Variants in NRCAM observed in about 807,000 individuals in gnomAD.
NRCAM encodes neuronal cell adhesion molecule.
In NRCAM, 83 loss-of-function variants were observed where a neutral mutation model predicts 156.5. The observed-to-expected ratio is 0.53, with a 90% CI of 0.44 to 0.64. NRCAM has a LOEUF of 0.64. Among genes scored for constraint, NRCAM ranks in the 30% least tolerant of loss-of-function variants. The probability of loss-of-function intolerance (pLI) is 0.00; values close to 1 mark genes in which losing one functional copy is unlikely to be tolerated. For missense variants in NRCAM, 1,417 were observed against 1,597.3 expected (o/e 0.89, Z 1.92); for synonymous variants, 538 against 563.9 (o/e 0.95, Z 0.65).
chr7:108,392,855 G>T (rs1408878319), intron 2 of NRCAM, among the ~76,000 whole-genome samples: 1 of 152,156 alleles, frequency 6.6e-6, no homozygotes, highest in Non-Finnish European at 1.5e-5. Flanking sequence ...GTTTGCCTGG[G>T]TATCAGCAGA....
At chr7:108,202,913 C>T (rs77775392) in intron 13 of NRCAM, among the ~76,000 whole-genome samples, 2,244 of 152,216 alleles carry the variant, frequency 0.015, 48 homozygotes, top group African/African-American at 0.046. Context: ...AGACCTAATA[C>T]AACGCACGCT....
chr7:108,388,779 G>A (rs1451801272), intron 2 of NRCAM, among the ~76,000 whole-genome samples: 1 of 152,128 alleles, frequency 6.6e-6, no homozygotes, highest in Non-Finnish European at 1.5e-5. Context: ...TCCACATACG[G>A]CTAGCCAGTT....
chr7:108,279,800 T>C (rs2097784018), intron 3 of NRCAM, among the ~76,000 whole-genome samples: 1 of 151,944 alleles, frequency 6.6e-6, no homozygotes, highest in Non-Finnish European at 1.5e-5. Context: ...GAGCAAGTGA[T>C]CCTCCCATCT....
intron 3 of NRCAM, among the ~76,000 whole-genome samples, chr7:108,287,929 A>C (rs2098156863): frequency 6.6e-6 from 1 of 152,156 alleles, no homozygotes; most frequent in African/African-American, 2.4e-5. Flanking sequence ...TATATTTATC[A>C]CAGCACTATT....
chr7:108,232,705 G>T (rs1035460146), intron 6 of NRCAM, among the ~76,000 whole-genome samples, 183 bp from the exon 7 acceptor site: 1 of 152,090 alleles, frequency 6.6e-6, no homozygotes, highest in African/African-American at 2.4e-5. Context: ...AAAAGGGCAG[G>T]CTATACATTT....
chr7:108,387,438 T>C (rs1180745046), intron 2 of NRCAM, among the ~76,000 whole-genome samples: 1 of 152,142 alleles, frequency 6.6e-6, no homozygotes, highest in Non-Finnish European at 1.5e-5. Context: ...CTGGTAATTA[T>C]AATAATAGCT....
chr7:108,247,147 C>G (rs2095995020), intron 3 of NRCAM, among the ~76,000 whole-genome samples: 1 of 152,156 alleles, frequency 6.6e-6, no homozygotes, highest in South Asian at 2.1e-4. Context: ...CTACATGCAA[C>G]AGAAGAACCA....
chr7:108,211,699 A>C (rs2084542703), intron 11 of NRCAM, among the ~76,000 whole-genome samples: 1 of 152,040 alleles, frequency 6.6e-6, no homozygotes, highest in East Asian at 1.9e-4. Flanking sequence ...TCCTAGGTAC[A>C]CAACTCCATT....
chr7:108,413,402 A>G (rs1198310102), intron 1 of NRCAM, among the ~76,000 whole-genome samples: 1 of 151,950 alleles, frequency 6.6e-6, no homozygotes, highest in East Asian at 1.9e-4. Flanking sequence ...GAGTTGTTTC[A>G]GTTCCTTATA....
At chr7:108,263,090 G>T (rs1414843177) in intron 3 of NRCAM, among the ~76,000 whole-genome samples, 1 of 152,150 alleles carries the variant, frequency 6.6e-6, no homozygotes, top group Non-Finnish European at 1.5e-5. Context: ...ATCTTCCAAG[G>T]TGCTTGGTTA....
At chr7:108,237,129 A>G (rs932558542) in intron 5 of NRCAM, among the ~76,000 whole-genome samples, 1 of 152,208 alleles carries the variant, frequency 6.6e-6, no homozygotes, top group African/African-American at 2.4e-5. Context: ...CTGAAAACTG[A>G]CTATTTTTAA....
chr7:108,258,813 G>A (rs1311287068), intron 3 of NRCAM, among the ~76,000 whole-genome samples: 1 of 152,158 alleles, frequency 6.6e-6, no homozygotes, highest in African/African-American at 2.4e-5. Flanking sequence ...GTTCACTGTT[G>A]TTCTCTCGAC....
intron 1 of NRCAM, among the ~76,000 whole-genome samples, chr7:108,414,743 GGCAGACT>G: frequency 6.6e-6 from 1 of 152,094 alleles, no homozygotes. Flanking sequence ...TCTCACCCAC[GGCAGACT>G]GCTAGGAAGA....
intron 2 of NRCAM, among the ~76,000 whole-genome samples, chr7:108,318,794 C>T (rs2098964317): frequency 6.6e-6 from 1 of 152,178 alleles, no homozygotes; most frequent in Non-Finnish European, 1.5e-5. Flanking sequence ...CCCTAGCCAT[C>T]CTAGCCCTGG....
At chr7:108,324,476 C>A (rs2099041707) in intron 2 of NRCAM, among the ~76,000 whole-genome samples, 3 of 152,112 alleles carry the variant, frequency 2.0e-5, no homozygotes, top group South Asian at 4.1e-4. Context: ...TTCAAACAGG[C>A]CAAATTTGGG....
chr7:108,415,654 G>A (rs1190321372), intron 1 of NRCAM, among the ~76,000 whole-genome samples: 1 of 152,236 alleles, frequency 6.6e-6, no homozygotes, highest in Non-Finnish European at 1.5e-5. Flanking sequence ...GCCAAGGTGG[G>A]TGGATCATCT....
intron 14 of NRCAM, among the ~76,000 whole-genome samples, chr7:108,197,318 G>A (rs1008275310): frequency 1.3e-4 from 20 of 152,254 alleles, no homozygotes; most frequent in African/African-American, 4.8e-4. Flanking sequence ...CTTACTGATG[G>A]TAATTTTGTT....
At chr7:108,367,440 A>G (rs1376537331) in intron 2 of NRCAM, among the ~76,000 whole-genome samples, 1 of 152,172 alleles carries the variant, frequency 6.6e-6, no homozygotes, top group African/African-American at 2.4e-5. Flanking sequence ...TCTTAAATTA[A>G]TAACTGAGGT....
At chr7:108,392,161 C>A (rs943955591) in intron 2 of NRCAM, among the ~76,000 whole-genome samples, 1 of 152,210 alleles carries the variant, frequency 6.6e-6, no homozygotes, top group Admixed American at 6.5e-5. Flanking sequence ...TAATATCCTG[C>A]AGAGTGTTTT....
Sources: gnomAD v4.1 joint callset for allele counts (sites outside exome capture counted in the v4.1 genomes callset) on GRCh38, gnomAD v4.1.1 for gene constraint, MANE v1.5 for transcripts, NCBI Gene and HGNC (gene_info 2026-07-23, HGNC 2026-07-21) for gene names.